Variants in KLHL5 observed in about 807,000 individuals in gnomAD.
KLHL5 encodes kelch like family member 5.
KLHL5 carries 48 observed loss-of-function variants against 77.7 expected under a neutral mutation model. That is an observed-to-expected ratio of 0.62 (90% CI 0.49 to 0.79). The LOEUF (loss-of-function observed/expected upper bound fraction) is 0.79. Among genes scored for constraint, KLHL5 ranks in the 30% least tolerant of loss-of-function variants. KLHL5 has a pLI of 0.00. For missense variants in KLHL5, 723 were observed against 859.7 expected, an observed-to-expected ratio of 0.84 and a Z score of 1.99; for synonymous variants, 260 against 297.0, an observed-to-expected ratio of 0.88 and a Z score of 1.28.
At chr4:39,052,452 A>G (rs1350611193) in intron 1 of KLHL5, among the ~76,000 whole-genome samples, 1 of 152,146 alleles carries the variant, frequency 6.6e-6, no homozygotes, top group African/African-American at 2.4e-5. Flanking sequence ...AGAAAGTGAA[A>G]TAAGTTGAGA....
At position 39,099,555 on chromosome 4, in the gene KLHL5, C is replaced by G. The variant is rs116767863; in HGVS notation, c.1300+2677C>G. 9.9e-3 allele frequency among the ~76,000 whole-genome samples: 1,510 copies of G among 152,212 alleles called. 23 individuals carry two copies. Among genetic ancestry groups the G allele is most frequent in the African/African-American group, 0.034 (1,418 of 41,516 alleles). Reference sequence around the variant, plus strand: ...CCCATTGGCCTTTTCATTCATCTAACAGGCCAAACATTTTATCCATATCCA... The same window carrying G: ...CCCATTGGCCTTTTCATTCATCTAAGAGGCCAAACATTTTATCCATATCCA... On this transcript the variant is annotated intron_variant, in intron 6 of 10. Transcript: ENST00000504108.
intron 10 of KLHL5, chr4:39,115,974 A>C (rs1722804163): frequency 1.0e-6 from 1 of 985,616 alleles, no homozygotes; most frequent in Non-Finnish European, 1.2e-6. Flanking sequence ...ATAAAAGACA[A>C]TAAATGTTTA....
intron 6 of KLHL5, among the ~76,000 whole-genome samples, chr4:39,101,857 A>T (rs933257977): frequency 1.8e-4 from 22 of 122,762 alleles, no homozygotes; most frequent in East Asian, 1.1e-3. Flanking sequence ...AAAAAAAAAA[A>T]AAATATATAT....
chr4:39,079,376 G>A (rs556164009), intron 2 of KLHL5, among the ~76,000 whole-genome samples: 9 of 152,298 alleles, frequency 5.9e-5, no homozygotes, highest in Middle Eastern at 3.4e-3. Context: ...CCAGCCTGCC[G>A]TATCTCTCTA....
chr4:39,045,378 A>G (rs1431552973), intron 1 of KLHL5, among the ~76,000 whole-genome samples: 2 of 151,570 alleles, frequency 1.3e-5, no homozygotes, highest in Admixed American at 6.6e-5. Context: ...GGAGTTGTGG[A>G]AAGTTGTGGA....
At chr4:39,086,036 T>C (rs527270951) in intron 4 of KLHL5, among the ~76,000 whole-genome samples, 64 of 152,260 alleles carry the variant, frequency 4.2e-4, no homozygotes, top group African/African-American at 1.5e-3. Flanking sequence ...TTCTGGGAAA[T>C]GTAGCCACTC....
At position 39,081,172 on chromosome 4, in the gene KLHL5, A is replaced by C; in HGVS notation, c.636A>C (p.Gln212His). ...CTAATGATGTCAGAGAGGCAAGACA[A>C]GAAGAAATAAAAATGGAAGGTGTAG... Reference protein sequence around the residue: ...MFTNDVREARQEEIKMEGVEP... With the variant: ...MFTNDVREARHEEIKMEGVEP... Residue 212 changes from glutamine (Q) to histidine (H), a missense_variant, in exon 3 of 11, where the codon CAA becomes CAC. Gln to His is a conservative substitution (Grantham distance 24). Around this residue, in one of 3 missense-constraint regions of KLHL5, gnomAD observed 288 missense variants for 400.3 expected, o/e 0.72. Coordinates refer to ENST00000504108, the MANE Select transcript of KLHL5 (RefSeq NM_015990.5). The surrounding 1 kb of genome is among the most constrained non-coding windows in gnomAD (Gnocchi z 4.3). 2 of 1,613,236 alleles carry C rather than the reference A, an allele frequency of 1.2e-6. No individual in the cohort carries two copies. The highest frequency in any genetic ancestry group is 1.7e-6 in the Non-Finnish European group (2 of 1,179,618).
In KLHL5 at chr4:39,107,646, T is replaced by C. The variant is rs2109546674; in HGVS notation, c.1603T>C (p.Trp535Arg). The C allele has an allele frequency of 6.2e-7, 1 of 1,612,964 alleles. No homozygotes were observed. The highest frequency in any genetic ancestry group is 2.2e-5 in the East Asian group (1 of 44,870). Residue 535 changes from tryptophan (W) to arginine (R), a missense_variant, in exon 8 of 11, where the codon TGG (tryptophan) becomes CGG (arginine). By Grantham distance (101) the Trp-to-Arg change is moderately radical. Coordinates refer to ENST00000504108, the MANE Select transcript of KLHL5 (RefSeq NM_015990.5). ...GAGCTATCTGAACACAGTGGAAAGATGGGACCCTCAGGCTCGCCAGTGGAA... is the reference window on the plus strand; with the variant it reads ...GAGCTATCTGAACACAGTGGAAAGACGGGACCCTCAGGCTCGCCAGTGGAA... ...GWSYLNTVER[W>R]DPQARQWNFV...
intron 6 of KLHL5, among the ~76,000 whole-genome samples, chr4:39,102,755 A>G (rs1721697149): frequency 6.6e-6 from 1 of 152,122 alleles, no homozygotes; most frequent in Admixed American, 6.5e-5. Flanking sequence ...AGTAATTTCT[A>G]TCTCTCCTTA....
chr4:39,062,702 G>A lies in KLHL5; in HGVS notation c.50G>A (p.Arg17Lys). 6.2e-7 allele frequency: 1 copy of A among 1,614,142 alleles called. No homozygotes were observed. The highest frequency in any genetic ancestry group is 8.5e-7 in the Non-Finnish European group (1 of 1,179,986). The change falls in exon 1 of 11, where the codon AGA becomes AAA. Residue 17 changes from arginine to lysine, a missense_variant. Transcript: ENST00000504108. ...EFDVKQILKI[R>K]WRWFGHQASS... ...GATGTGAAACAGATTTTGAAAATCA[G>A]ATGGAGGTGGTTTGGTCATCAAGCA... is the stretch of plus-strand genomic sequence containing the variant.
At chr4:39,096,600 T>C (rs996750192) in intron 5 of KLHL5, 92 bp from the exon 6 acceptor site, 11 of 846,666 alleles carry the variant, frequency 1.3e-5, no homozygotes, top group East Asian at 7.8e-5. Flanking sequence ...TTTAAAAATA[T>C]GTAAAATCCA....
Position 39,101,977 on chromosome 4 carries a change from CAT to C in KLHL5, c.1301-1295_1301-1294del, listed in dbSNP as rs10565740. On this transcript the variant is annotated intron_variant, in intron 6 of 10. Transcript: ENST00000504108. ...ATATACACACACATATATATGTATA[CAT>C]ATATATATATATATGCATGCAGAGG... 6.9e-3 allele frequency among the ~76,000 whole-genome samples: 1,012 copies of C among 145,764 alleles called. 4 individuals are homozygous for C. The highest frequency in any genetic ancestry group is 0.017 in the South Asian group (77 of 4,650).
In KLHL5 at chr4:39,086,904, C is replaced by CTTTTTTTT. The variant is rs71643263; in HGVS notation, c.1113+194_1113+201dup. On this transcript the variant is annotated intron_variant, in intron 5 of 10. Coordinates refer to ENST00000504108, the MANE Select transcript of KLHL5 (RefSeq NM_015990.5). ...TAAATTGCTTCAATTAAGTAACATTCTTTTTTTTTTTTTTTTTTTTTTTTG... is the reference window on the plus strand; with the variant it reads ...TAAATTGCTTCAATTAAGTAACATTCTTTTTTTTTTTTTTTTTTTTTTTTTTTTTTTTG... 1.9e-3 allele frequency among the ~76,000 whole-genome samples: 145 copies of CTTTTTTTT among 78,328 alleles called. 3 individuals carry two copies. The highest frequency in any genetic ancestry group is 2.9e-3 in the East Asian group (7 of 2,386). The allele number at this position is 78,328 out of a possible 152,430, so 51.4% of individuals were successfully genotyped here. A position where few individuals can be genotyped will look rare whatever the true frequency, so the allele number is the denominator to read the frequency against.
At chr4:39,140,262 G>T in the KLHL5 span, among the ~76,000 whole-genome samples, 1 of 152,072 alleles carries the variant, frequency 6.6e-6, no homozygotes, top group Admixed American at 6.6e-5. Context: ...ACAGCTACAA[G>T]CAGTGCATAA....
At chr4:39,067,708 C>G (rs1718025625) in intron 1 of KLHL5, among the ~76,000 whole-genome samples, 1 of 147,352 alleles carries the variant, frequency 6.8e-6, no homozygotes, top group South Asian at 2.1e-4. Flanking sequence ...CAAAGTCTCA[C>G]TCTGTCACCC....
chr4:39,063,558 T>C (rs1717621120), intron 1 of KLHL5: 1 of 445,240 alleles, frequency 2.2e-6, no homozygotes, highest in African/African-American at 2.0e-5. Context: ...CTCTTTGTCC[T>C]GTCTGTGTTA....
In KLHL5 at chr4:39,115,186, T is replaced by C. The variant is rs1324965083; in HGVS notation, c.1929T>C (p.Thr643=). 1 of 1,612,838 alleles carries C rather than the reference T, an allele frequency of 6.2e-7. No homozygotes were observed. The highest frequency in any genetic ancestry group is 2.2e-5 in the East Asian group (1 of 44,876). The change falls in exon 10 of 11, where the codon ACT becomes ACC. Residue 643 remains threonine (T), a synonymous_variant. Coordinates refer to ENST00000504108, the MANE Select transcript of KLHL5 (RefSeq NM_015990.5). ...ERYDPKTDMW[T]AVASMSISRD... is the part of the protein sequence containing the mutation. ...ATGATCCCAAAACAGACATGTGGAC[T>C]GCAGTAGCATCCATGAGCATCAGCA...
intron 10 of KLHL5, among the ~76,000 whole-genome samples, chr4:39,118,966 A>G (rs1723036229): frequency 6.6e-6 from 1 of 152,200 alleles, no homozygotes; most frequent in Non-Finnish European, 1.5e-5. Flanking sequence ...ATTGAGAGCT[A>G]CAAGATTTCA....
At chr4:39,132,163 C>T in the KLHL5 span, among the ~76,000 whole-genome samples, 3 of 152,040 alleles carry the variant, frequency 2.0e-5, no homozygotes, top group African/African-American at 7.3e-5. Context: ...TCCCCATTAT[C>T]AGGAGACTAC....
Sources: allele counts gnomAD v4.1 joint callset (sites outside exome capture counted in the v4.1 genomes callset), GRCh38; gene constraint gnomAD v4.1.1; regional missense constraint gnomAD v4.1.1; non-coding constraint Gnocchi (gnomAD v3.1); transcripts MANE v1.5; gene names NCBI Gene and HGNC (gene_info 2026-07-23, HGNC 2026-07-21).